ARHGEF10: variants seen among roughly 807,000 people sequenced by gnomAD.
ARHGEF10 encodes the protein Rho guanine nucleotide exchange factor (GEF) 10.
Under a neutral mutation model 147.4 loss-of-function variants are expected in ARHGEF10, and 140 were observed. The observed-to-expected ratio is 0.95, with a 90% CI of 0.83 to 1.09. The LOEUF (loss-of-function observed/expected upper bound fraction) is 1.09, where lower values mean the gene tolerates loss of function less well. ARHGEF10 is among the 50% of genes least tolerant of loss of function. The probability of loss-of-function intolerance (pLI) is 0.00; values close to 1 mark genes in which losing one functional copy is unlikely to be tolerated. For missense variants in ARHGEF10, 2,222 were observed against 1,752.7 expected (o/e 1.27, Z -4.78); for synonymous variants, 902 against 695.8 (o/e 1.30, Z -4.67).
At chr8:1,826,210 A>G in intron 1 of ARHGEF10, 1 of 1,319,072 alleles carries the variant, frequency 7.6e-7, no homozygotes, top group Admixed American at 2.0e-5. Context: ...AGTGAAGTTA[A>G]AAGTTATTCA....
Position 1,923,479 on chromosome 8 carries a change from G to T in ARHGEF10, c.2271G>T (p.Gln757His). 1.9e-6 allele frequency: 3 copies of T among 1,614,094 alleles called. No individual in the cohort carries two copies. The African/African-American group carries it at 4.0e-5, about 22-fold the overall frequency. ...NLKGNYQNLN[Q>H]SVAHDWTSGL... ...TATTTCCTTTGTAGAACTTAAACCA[G>T]TCAGTAGCCCATGACTGGACATCAG... is the stretch of plus-strand genomic sequence containing the variant. The change falls in exon 20 of 29, where the codon CAG (glutamine) becomes CAT (histidine). Residue 757 changes from glutamine to histidine, a missense_variant. By Grantham distance (24) the Gln-to-His change is conservative (BLOSUM62 0). Transcript: ENST00000349830.
At chr8:1,929,923 T>TC (rs1297653075) in intron 25 of ARHGEF10, among the ~76,000 whole-genome samples, 1 of 152,192 alleles carries the variant, frequency 6.6e-6, no homozygotes, top group Admixed American at 6.5e-5. Flanking sequence ...GACGAGGCCC[T>TC]CCCTGGCCCA....
rs73542406 is a variant in ARHGEF10, at chr8:1,851,889, G to A, written c.38-6071G>A. Reference sequence around the variant, plus strand: ...CGATCGCAATACTGCACTCCAGCGCGGGCAACAGAGCATGACTCTGTCTCA... The same window carrying A: ...CGATCGCAATACTGCACTCCAGCGCAGGCAACAGAGCATGACTCTGTCTCA... On this transcript the variant is annotated intron_variant, in intron 2 of 28. Coordinates refer to ENST00000349830, the MANE Select transcript of ARHGEF10 (RefSeq NM_014629.4). 2.6e-3 allele frequency among the ~76,000 whole-genome samples: 397 copies of A among 151,220 alleles called. 1 individual carries two copies. Among genetic ancestry groups the A allele is most frequent in the African/African-American group, 9.1e-3 (376 of 41,224 alleles).
intron 11 of ARHGEF10, among the ~76,000 whole-genome samples, chr8:1,892,896 T>G (rs915527970): frequency 2.0e-5 from 3 of 152,182 alleles, no homozygotes; most frequent in African/African-American, 7.2e-5. Flanking sequence ...CATAGGCCTT[T>G]CACGGGATCT....
intron 18 of ARHGEF10, among the ~76,000 whole-genome samples, chr8:1,917,573 C>G (rs113298267): frequency 0.05 from 7,599 of 152,148 alleles, 284 homozygotes; most frequent in South Asian, 0.1. Flanking sequence ...AAACAGATTG[C>G]AGGGATTTCC....
intron 1 of ARHGEF10, among the ~76,000 whole-genome samples, chr8:1,832,419 G>GAGAGAGGCAGAGGCAGAGAC (rs1803187533): frequency 6.6e-6 from 1 of 150,688 alleles, no homozygotes; most frequent in African/African-American, 2.5e-5. Context: ...GGCAGAGACA[G>GAGAGAGGCAGAGGCAGAGAC]AGAGAGACAG....
rs80149445 is a variant in ARHGEF10 at position 1,860,357 on chromosome 8, C to G, written c.481+173C>G. On this transcript the variant is annotated intron_variant, in intron 4 of 28. Coordinates refer to ENST00000349830, the MANE Select transcript of ARHGEF10 (RefSeq NM_014629.4). ...CCTCCTCTCCATGCCCCCGATGTGG[C>G]CTGTGGTTCCGTAGAGTCCGGGCCT... Among the ~76,000 whole-genome samples the G allele has an allele frequency of 0.017, 2,343 of 137,472 alleles. 48 individuals carry two copies. Among genetic ancestry groups the G allele is most frequent in the Admixed American group, 0.043 (578 of 13,448 alleles). 90.2% of individuals were successfully genotyped at this position (137,472 alleles called of 152,430 possible).
intron 11 of ARHGEF10, among the ~76,000 whole-genome samples, chr8:1,893,063 T>TAGATCTTTGGATGGCTGAA (rs1809677662): frequency 7.9e-6 from 1 of 127,194 alleles, no homozygotes; most frequent in Non-Finnish European, 1.5e-5. Flanking sequence ...GCCTCATAGG[T>TAGATCTTTGGATGGCTGAA]AGATCTTTGG....
intron 13 of ARHGEF10, among the ~76,000 whole-genome samples, chr8:1,895,847 A>C (rs1319729336): frequency 1.3e-5 from 2 of 152,142 alleles, no homozygotes; most frequent in Non-Finnish European, 2.9e-5. Flanking sequence ...TTTTAGGAAA[A>C]CGAACACGTG....
chr8:1,896,503 A>G (rs1809987841), intron 14 of ARHGEF10, 54 bp downstream of exon 14: 8 of 1,249,962 alleles, frequency 6.4e-6, no homozygotes, highest in East Asian at 2.3e-5. Context: ...AACAAGTTAC[A>G]TGTCAAAGCT....
At chr8:1,826,193 G>C in intron 1 of ARHGEF10, 1 of 1,468,744 alleles carries the variant, frequency 6.8e-7, no homozygotes, top group Non-Finnish European at 9.3e-7. Flanking sequence ...TAGACAGTTG[G>C]GGGTGAAGTG....
chr8:1,946,381 G>A (rs1220620031), intron 27 of ARHGEF10, among the ~76,000 whole-genome samples: 2 of 152,224 alleles, frequency 1.3e-5, no homozygotes, highest in Non-Finnish European at 2.9e-5. Context: ...AGACGGGCTG[G>A]CTTACAAGCC....
At chr8:1,945,249 G>A (rs1319309970) in intron 26 of ARHGEF10, among the ~76,000 whole-genome samples, 2 of 152,212 alleles carry the variant, frequency 1.3e-5, no homozygotes, top group Non-Finnish European at 2.9e-5. Flanking sequence ...CACCATGCCT[G>A]TGTCTTTGGA....
chr8:1,890,449 GTGAGTGGGGTGAGTGTTGTGAGGAGACAC>G (rs1333705947), intron 11 of ARHGEF10, among the ~76,000 whole-genome samples: 61 of 144,800 alleles, frequency 4.2e-4, no homozygotes, highest in East Asian at 1.9e-3. Flanking sequence ...TGAGGAGACA[GTGAGTGGGGTGAGTGTTGTGAGGAGACAC>G]TGAGTGGGGT....
intron 1 of ARHGEF10, among the ~76,000 whole-genome samples, chr8:1,832,390 A>G (rs1803180968): frequency 2.1e-5 from 1 of 47,086 alleles, no homozygotes; most frequent in Admixed American, 2.0e-4. Flanking sequence ...AGGCAGAGGC[A>G]GAGACAGAGA....
chr8:1,919,453 G>C (rs1812040525), intron 18 of ARHGEF10, among the ~76,000 whole-genome samples: 1 of 147,270 alleles, frequency 6.8e-6, no homozygotes, highest in Non-Finnish European at 1.5e-5. Context: ...TGATGGAGCT[G>C]TTCCATGGGT....
At chr8:1,936,852 A>G (rs534176510) in intron 26 of ARHGEF10, among the ~76,000 whole-genome samples, 21 of 152,264 alleles carry the variant, frequency 1.4e-4, no homozygotes, top group South Asian at 8.3e-4. Context: ...CCACGTGGAC[A>G]CCGCTTTGGC....
intron 2 of ARHGEF10, among the ~76,000 whole-genome samples, chr8:1,857,417 C>G (rs919248996): frequency 6.8e-6 from 1 of 147,552 alleles, no homozygotes; most frequent in African/African-American, 2.5e-5. Context: ...CTCTTGTTTT[C>G]TTTTCTTTTT....
rs918783776 is a variant in ARHGEF10 at position 1,945,650 on chromosome 8, T to C, written c.3392T>C (p.Leu1131Pro). ...INIATPVHNM[L>P]PGHQRLSVTS... ...ATCGCCACCCCTGTTCACAACATGC[T>C]GCCAGGTAAGGGGACGGGACGGGGC... is the stretch of plus-strand genomic sequence containing the variant. Residue 1131 changes from leucine (L) to proline (P), a missense_variant, in exon 27 of 29, where the codon CTG becomes CCG. Physicochemically the swap from Leu to Pro is moderately conservative, Grantham distance 98. Coordinates refer to ENST00000349830, the MANE Select transcript of ARHGEF10 (RefSeq NM_014629.4). The C allele has an allele frequency of 6.2e-7, 1 of 1,614,178 alleles. No homozygotes were observed. The highest frequency in any genetic ancestry group is 1.1e-5 in the South Asian group (1 of 91,090).
Sources: allele counts gnomAD v4.1 joint callset (sites outside exome capture counted in the v4.1 genomes callset), GRCh38; gene constraint gnomAD v4.1.1; transcripts MANE v1.5; gene names NCBI Gene and HGNC (gene_info 2026-07-23, HGNC 2026-07-21).